The following CEP15 variants were observed in gnomAD, a reference collection of about 807,000 sequenced individuals.
CEP15 encodes centrosomal protein 15 kDa.
chr3:62,325,010 G>A, the CEP15 span, among the ~76,000 whole-genome samples: 1 of 152,038 alleles, frequency 6.6e-6, no homozygotes, highest in Admixed American at 6.5e-5. Flanking sequence ...ATGGATAAAA[G>A]ATACAAAAAT....
chr3:62,331,524 T>C, the CEP15 span: 9 of 803,602 alleles, frequency 1.1e-5, no homozygotes, highest in African/African-American at 5.2e-5. Flanking sequence ...AAAGAAGATA[T>C]GCCTGTTTGA....
the CEP15 span, among the ~76,000 whole-genome samples, chr3:62,329,701 C>T: frequency 2.0e-4 from 30 of 152,156 alleles, no homozygotes; most frequent in Non-Finnish European, 1.5e-5. Flanking sequence ...CAAATCTGCT[C>T]TCCTGTAAGA....
At chr3:62,322,158 A>ACTTATTACTG in the CEP15 span, 3 of 1,158,470 alleles carry the variant, frequency 2.6e-6, no homozygotes, top group Non-Finnish European at 3.7e-6. The surrounding 1 kb of genome is among the most constrained non-coding windows in gnomAD (Gnocchi z 5.5). Context: ...TCTCAGTAAT[A>ACTTATTACTG]AGTAGAATTA....
At chr3:62,325,954 G>A in the CEP15 span, among the ~76,000 whole-genome samples, 5 of 150,982 alleles carry the variant, frequency 3.3e-5, no homozygotes, top group Non-Finnish European at 7.4e-5. Context: ...AACCCGGGAA[G>A]CAGGGGGTTG....
the CEP15 span, chr3:62,324,049 A>C: frequency 3.3e-5 from 5 of 152,120 alleles, no homozygotes; most frequent in African/African-American, 1.2e-4. Flanking sequence ...CTTTGGAAAG[A>C]ATTTTAGTGG....
At chr3:62,329,647 T>C in the CEP15 span, among the ~76,000 whole-genome samples, 5 of 152,278 alleles carry the variant, frequency 3.3e-5, no homozygotes, top group Admixed American at 2.0e-4. Flanking sequence ...TAGGCCTGCT[T>C]TACCAGGCCA....
chr3:62,327,388 ATTC>A, the CEP15 span, among the ~76,000 whole-genome samples: 1 of 152,230 alleles, frequency 6.6e-6, no homozygotes, highest in Admixed American at 6.5e-5. Flanking sequence ...AATATCCCAT[ATTC>A]TTTTTCTTAC....
the CEP15 span, among the ~76,000 whole-genome samples, chr3:62,327,403 A>C: frequency 3.8e-4 from 58 of 152,288 alleles, no homozygotes; most frequent in African/African-American, 1.4e-3. Flanking sequence ...TTTTCTTACT[A>C]AGCCTTCTGA....
At chr3:62,330,117 T>C in the CEP15 span, among the ~76,000 whole-genome samples, 2 of 152,200 alleles carry the variant, frequency 1.3e-5, no homozygotes, top group Non-Finnish European at 2.9e-5. Context: ...TGTGCAACTT[T>C]GGGGAGTCCC....
the CEP15 span, chr3:62,335,894 CAGA>C: frequency 1.3e-5 from 2 of 151,758 alleles, no homozygotes; most frequent in Non-Finnish European, 2.9e-5. Context: ...TGCTAAAGAT[CAGA>C]AGAAGCTACA....
chr3:62,332,808 A>C, the CEP15 span, among the ~76,000 whole-genome samples: 1 of 152,144 alleles, frequency 6.6e-6, no homozygotes, highest in Non-Finnish European at 1.5e-5. Context: ...TCCCAGGTCA[A>C]ATCTTTTGAT....
the CEP15 span, chr3:62,333,363 A>T: frequency 1.2e-6 from 2 of 1,611,218 alleles, no homozygotes; most frequent in Non-Finnish European, 1.7e-6. This position sits in a 1 kb window ranked among gnomAD's most constrained non-coding sequence, Gnocchi z 4.0. Context: ...AGCAGAAAAT[A>T]CCATTCAAAA....
the CEP15 span, among the ~76,000 whole-genome samples, chr3:62,329,233 A>G: frequency 1.3e-5 from 2 of 152,196 alleles, no homozygotes; most frequent in Non-Finnish European, 2.9e-5. Flanking sequence ...AGAGTTAAAG[A>G]TAGAGTATAG....
At chr3:62,321,286 A>G in the CEP15 span, among the ~76,000 whole-genome samples, 1 of 152,196 alleles carries the variant, frequency 6.6e-6, no homozygotes, top group South Asian at 2.1e-4. The surrounding 1 kb of genome is among the most constrained non-coding windows in gnomAD (Gnocchi z 4.1). Flanking sequence ...ATATGTAACG[A>G]AGTAGTTTGA....
At chr3:62,329,725 T>A in the CEP15 span, among the ~76,000 whole-genome samples, 1 of 152,166 alleles carries the variant, frequency 6.6e-6, no homozygotes, top group Non-Finnish European at 1.5e-5. Context: ...ATAATAAGTA[T>A]CCTTATTTTC....
chr3:62,329,691 C>A, the CEP15 span, among the ~76,000 whole-genome samples: 1 of 152,256 alleles, frequency 6.6e-6, no homozygotes, highest in Non-Finnish European at 1.5e-5. Flanking sequence ...TTTCCATTTA[C>A]AAATCTGCTC....
the CEP15 span, chr3:62,320,489 T>C: frequency 6.2e-7 from 1 of 1,612,292 alleles, no homozygotes; most frequent in Non-Finnish European, 8.5e-7. Context: ...CCTTGTTTGC[T>C]CAAGAAATTC....
At chr3:62,328,399 A>T in the CEP15 span, among the ~76,000 whole-genome samples, 1 of 152,190 alleles carries the variant, frequency 6.6e-6, no homozygotes, top group African/African-American at 2.4e-5. Flanking sequence ...GTGTACCCCC[A>T]CTAGGGGTGT....
the CEP15 span, chr3:62,333,759 TTTTTAGGGACA>T: frequency 1.2e-4 from 19 of 162,002 alleles, no homozygotes; most frequent in Admixed American, 1.9e-4. This position sits in a 1 kb window ranked among gnomAD's most constrained non-coding sequence, Gnocchi z 4.0. Context: ...GAATCCTTAC[TTTTTAGGGACA>T]AGGTATAGGA....
Sources: gnomAD v4.1 joint callset for allele counts (sites outside exome capture counted in the v4.1 genomes callset) on GRCh38, gnomAD v4.1.1 for gene constraint, Gnocchi (gnomAD v3.1) non-coding constraint, MANE v1.5 for transcripts, NCBI Gene and HGNC (gene_info 2026-07-23, HGNC 2026-07-21) for gene names.